The following CASK variants were observed in gnomAD, a reference collection of about 807,000 sequenced individuals.
The protein encoded by CASK is peripheral plasma membrane protein CASK.
CASK carries 4 observed loss-of-function variants against 82.9 expected under a neutral mutation model. The observed-to-expected ratio is 0.05, with a 90% CI of 0.02 to 0.11. CASK has a LOEUF of 0.11. Ranked by LOEUF, CASK falls within the 10% of genes least tolerant of loss-of-function variation. The probability of loss-of-function intolerance (pLI) is 1.00; values close to 1 mark genes in which losing one functional copy is unlikely to be tolerated. For synonymous variants in CASK, 259 were observed against 253.5 expected, an observed-to-expected ratio of 1.02 and a Z score of -0.20; for missense variants, 358 against 720.9, an observed-to-expected ratio of 0.50 and a Z score of 5.76.
At chrX:41,613,965 A>G (rs957540120) in intron 11 of CASK, among the ~76,000 whole-genome samples, 5 of 112,417 alleles carry the variant, frequency 4.4e-5, no homozygotes, top group Non-Finnish European at 9.4e-5. Context: ...AAATTACTGT[A>G]GCTATTTTTT....
At chrX:41,879,489 A>C (rs745623499) in intron 1 of CASK, among the ~76,000 whole-genome samples, 7 of 111,935 alleles carry the variant, frequency 6.3e-5, no homozygotes, top group Non-Finnish European at 5.7e-5. Context: ...AAAATACTTT[A>C]TTTTTGAACT....
At chrX:41,776,212 G>A (rs1053220427) in intron 3 of CASK, among the ~76,000 whole-genome samples, 1 of 111,888 alleles carries the variant, frequency 8.9e-6, no homozygotes, top group African/African-American at 3.2e-5. Context: ...CACCACAAAC[G>A]TGAGTGATGT....
chrX:41,590,890 T>C (rs983268730), intron 12 of CASK, among the ~76,000 whole-genome samples: 1 of 111,862 alleles, frequency 8.9e-6, no homozygotes, highest in Non-Finnish European at 1.9e-5. Flanking sequence ...TAATGCAAGA[T>C]AAATTTTTAT....
At chrX:41,596,619 T>G (rs1399412050) in intron 12 of CASK, among the ~76,000 whole-genome samples, 1 of 112,177 alleles carries the variant, frequency 8.9e-6, no homozygotes, top group Non-Finnish European at 1.9e-5. Flanking sequence ...TGTTACTGTT[T>G]ACTCTCTTTT....
At chrX:41,686,710 T>C (rs1385149264) in intron 5 of CASK, among the ~76,000 whole-genome samples, 1 of 111,746 alleles carries the variant, frequency 8.9e-6, no homozygotes, top group Non-Finnish European at 1.9e-5. Flanking sequence ...TCATTGAGTG[T>C]TTGTATCCAG....
intron 2 of CASK, among the ~76,000 whole-genome samples, chrX:41,846,257 A>G (rs1217055347): frequency 9.0e-6 from 1 of 111,673 alleles, no homozygotes; most frequent in Non-Finnish European, 1.9e-5. Context: ...GAAGAATGAG[A>G]TCCTGTCATT....
At chrX:41,587,026 C>A (rs1193416342) in intron 13 of CASK, 39 bp from the exon 14 acceptor site, 1 of 767,295 alleles carries the variant, frequency 1.3e-6, no homozygotes, top group Non-Finnish European at 2.0e-6. Context: ...ACAAACATGA[C>A]ACAAGATTTA....
intron 2 of CASK, among the ~76,000 whole-genome samples, chrX:41,806,733 G>C (rs1379081320): frequency 8.9e-6 from 1 of 112,188 alleles, no homozygotes; most frequent in East Asian, 2.8e-4. Flanking sequence ...AGAAGATGTA[G>C]AATAGTGTGT....
At chrX:41,802,017 C>T (rs762383341) in intron 2 of CASK, among the ~76,000 whole-genome samples, 1 of 110,959 alleles carries the variant, frequency 9.0e-6, no homozygotes, top group Non-Finnish European at 1.9e-5. Context: ...CTACAGATAA[C>T]GGATATCCAT....
chrX:41,645,003 G>A (rs1490129039), intron 8 of CASK, among the ~76,000 whole-genome samples: 3 of 111,319 alleles, frequency 2.7e-5, no homozygotes, highest in African/African-American at 9.8e-5. Context: ...CTGTGATCTC[G>A]CCTTGCCTCC....
intron 3 of CASK, among the ~76,000 whole-genome samples, chrX:41,770,312 C>G (rs932532523): frequency 5.4e-4 from 52 of 95,948 alleles, no homozygotes; most frequent in Middle Eastern, 5.1e-3. Flanking sequence ...ACCTACCTAC[C>G]TATCCATCCA....
intron 12 of CASK, among the ~76,000 whole-genome samples, chrX:41,609,056 T>A (rs1200338661): frequency 8.9e-6 from 1 of 112,275 alleles, no homozygotes; most frequent in African/African-American, 3.2e-5. Flanking sequence ...GATATATAAA[T>A]TTTTTCCCAT....
At chrX:41,913,140 TGGTTACCAA>T (rs2072612821) in intron 1 of CASK, among the ~76,000 whole-genome samples, 1 of 111,250 alleles carries the variant, frequency 9.0e-6, no homozygotes, top group Admixed American at 9.6e-5. Context: ...GTGTGTCTGT[TGGTTACCAA>T]GTTACGCAGA....
At chrX:41,732,776 G>A (rs746550711) in intron 5 of CASK, among the ~76,000 whole-genome samples, 8 of 106,456 alleles carry the variant, frequency 7.5e-5, no homozygotes, top group Admixed American at 1.0e-4. Flanking sequence ...TGTTGCCCAC[G>A]CTGGAGTGCA....
In CASK at chrX:41,677,432, T is replaced by C. The variant is rs138696121; in HGVS notation, c.430-5902A>G. ...TGAAGCAGGAGGAAAATCAGTTTGG[T>C]ATCCGGAAGTCAAGTGAAGAAACTT... On this transcript the variant is annotated intron_variant, in intron 5 of 26. Transcript: ENST00000378163. 1.4e-4 allele frequency among the ~76,000 whole-genome samples: 16 copies of C among 111,818 alleles called. No homozygotes were observed. The East Asian group carries it at 3.7e-3, about 26-fold the overall frequency.
intron 25 of CASK, among the ~76,000 whole-genome samples, chrX:41,527,594 A>T (rs952023804): frequency 2.7e-5 from 3 of 111,956 alleles, no homozygotes; most frequent in African/African-American, 9.8e-5. Context: ...GTGACCCCAG[A>T]ACCCATCTCA....
At chrX:41,647,232 T>C (rs759352771) in intron 8 of CASK, among the ~76,000 whole-genome samples, 1 of 112,756 alleles carries the variant, frequency 8.9e-6, no homozygotes, top group South Asian at 3.6e-4. Context: ...TGCAGTGCGA[T>C]TGGAATACTT....
intron 10 of CASK, chrX:41,624,426 G>T: frequency 3.9e-6 from 1 of 257,357 alleles, no homozygotes; most frequent in Non-Finnish European, 7.5e-6. Context: ...GAATGTTTTT[G>T]GAAATCACCT....
At chrX:41,769,598 G>A (rs1042162497) in intron 3 of CASK, among the ~76,000 whole-genome samples, 3 of 110,737 alleles carry the variant, frequency 2.7e-5, no homozygotes, top group Non-Finnish European at 3.8e-5. Flanking sequence ...TAAATCTTGA[G>A]TAAGAAAGTC....
Sources: allele counts gnomAD v4.1 joint callset (sites outside exome capture counted in the v4.1 genomes callset), GRCh38; gene constraint gnomAD v4.1.1; transcripts MANE v1.5; gene names NCBI Gene and HGNC (gene_info 2026-07-23, HGNC 2026-07-21).